LY75: variants seen among roughly 807,000 people sequenced by gnomAD.
The protein encoded by LY75 is C-type lectin domain family 13 member B.
In LY75, 185 loss-of-function variants were observed where a neutral mutation model predicts 231.7. The observed-to-expected ratio is 0.80, with a 90% CI of 0.71 to 0.90. LY75 has a LOEUF of 0.90. LY75 is among the 40% of genes least tolerant of loss of function. The probability of loss-of-function intolerance (pLI) is 0.00; values close to 1 mark genes in which losing one functional copy is unlikely to be tolerated. For synonymous variants in LY75, 668 were observed against 689.0 expected, an observed-to-expected ratio of 0.97 and a Z score of 0.48; for missense variants, 1,947 against 2,050.2, an observed-to-expected ratio of 0.95 and a Z score of 0.97.
At chr2:159,818,468 A>C (rs958194143) in intron 29 of LY75, among the ~76,000 whole-genome samples, 1 of 152,254 alleles carries the variant, frequency 6.6e-6, no homozygotes, top group Non-Finnish European at 1.5e-5. Flanking sequence ...AGTGTTCCTC[A>C]AAACTGTCAA....
intron 31 of LY75, among the ~76,000 whole-genome samples, chr2:159,812,024 T>C (rs1189947996): frequency 6.6e-6 from 1 of 152,236 alleles, no homozygotes; most frequent in Non-Finnish European, 1.5e-5. Context: ...GGCAAAGGTA[T>C]ATTGCTGATT....
intron 2 of LY75, among the ~76,000 whole-genome samples, chr2:159,895,242 G>GTC (rs1220467413): frequency 6.6e-6 from 1 of 152,320 alleles, no homozygotes; most frequent in East Asian, 1.9e-4. Flanking sequence ...TTGGCAAATA[G>GTC]TCTTTTAAAG....
chr2:159,833,943 A>G (rs1683741241), intron 27 of LY75, 101 bp downstream of exon 27: 1 of 1,328,362 alleles, frequency 7.5e-7, no homozygotes. Context: ...CTCCCCAGCC[A>G]TGTGGAACTG....
chr2:159,869,151 G>A (rs1574573704), intron 13 of LY75, among the ~76,000 whole-genome samples: 1 of 152,040 alleles, frequency 6.6e-6, no homozygotes, highest in Non-Finnish European at 1.5e-5. Flanking sequence ...ACCTGTTGTG[G>A]GGCAGAGTGA....
intron 32 of LY75, among the ~76,000 whole-genome samples, chr2:159,809,654 ATTATTATTT>A (rs927149938): frequency 5.9e-4 from 89 of 151,428 alleles, no homozygotes; most frequent in African/African-American, 2.1e-3. Context: ...TTTTACATTT[ATTATTATTT>A]TTATTATTTA....
Position 159,804,759 on chromosome 2 carries a change from CCAAT to C in LY75, c.*281_*284del. On this transcript the variant is annotated 3_prime_UTR_variant, in exon 35 of 35. Transcript: ENST00000263636. ...TATTAAAATATACATATCCTAGTTA[CCAAT>C]CACATTCATACAGAGAAAATGAACA... The C allele has an allele frequency of 5.6e-6, 1 of 178,792 alleles. No individual in the cohort carries two copies. Among genetic ancestry groups the C allele is most frequent in the Non-Finnish European group, 1.2e-5 (1 of 85,334 alleles). 11.1% of individuals were successfully genotyped at this position (178,792 alleles called of 1,614,324 possible).
intron 28 of LY75, among the ~76,000 whole-genome samples, chr2:159,821,620 A>C (rs1683293523): frequency 2.1e-5 from 1 of 46,632 alleles, no homozygotes; most frequent in Non-Finnish European, 5.0e-5. Flanking sequence ...AGTCTGTCTC[A>C]AAAAAAAAAA....
chr2:159,885,188 C>A lies in LY75; in HGVS notation c.1019G>T (p.Cys340Phe). Residue 340 changes from cysteine (C) to phenylalanine (F), a missense_variant, in exon 6 of 35, where the codon TGC (cysteine) becomes TTC (phenylalanine). Cys to Phe is a radical substitution (Grantham distance 205). Transcript: ENST00000263636. The part of the protein sequence containing the change: ...FSCEAQLPYV[C>F]RKPLNNTVEL... ...CACTGTATTATTTAATGGTTTCCTG[C>A]AGACATAGGGCAGTTGAGCTTCACA... 6.2e-7 allele frequency: 1 copy of A among 1,613,482 alleles called. No individual in the cohort carries two copies. Among genetic ancestry groups the A allele is most frequent in the Non-Finnish European group, 8.5e-7 (1 of 1,179,638 alleles).
rs762279972 is a variant in LY75, at chr2:159,854,538, A to T, written c.2420-3T>A. On this transcript the variant is annotated splice_region_variant and splice_polypyrimidine_tract_variant and intron_variant, in intron 17 of 34. Transcript: ENST00000263636. The stretch of plus-strand genomic sequence containing the variant: ...AGGTCCATGAATTCCAGCACGGTCT[A>T]AAGAAGAAGAAGAAAAAGATTAGAA... 9 of 1,596,776 alleles carry T rather than the reference A, an allele frequency of 5.6e-6. No homozygotes were observed. The highest frequency in any genetic ancestry group is 7.7e-6 in the Non-Finnish European group (9 of 1,169,582).
chr2:159,842,045 C>T (rs1357478266), intron 24 of LY75, among the ~76,000 whole-genome samples, 200 bp downstream of exon 24: 2 of 151,728 alleles, frequency 1.3e-5, no homozygotes, highest in East Asian at 1.9e-4. Context: ...AAAATTTTTT[C>T]GGCTTTTATT....
chr2:159,821,634 AAAAGAAAAG>A (rs1683296427), intron 28 of LY75, among the ~76,000 whole-genome samples: 1 of 22,828 alleles, frequency 4.4e-5, no homozygotes, highest in Non-Finnish European at 1.2e-4. Context: ...AAAAAAAAAG[AAAAGAAAAG>A]AAAGAAAACA....
chr2:159,898,815 G>T lies in LY75; in HGVS notation c.339C>A (p.His113Gln), dbSNP rs756427782. The change falls in exon 2 of 35, where the codon CAC becomes CAA. Residue 113 changes from histidine to glutamine, a missense_variant. Coordinates refer to ENST00000263636, the MANE Select transcript of LY75 (RefSeq NM_002349.4). ...SAMLWWKCEH[H>Q]SLYGAARYRL... ...GGTACCGGGCAGCTCCGTACAGAGA[G>T]TGGTGCTCACATTTCCACCACAGCA... 1 of 1,614,226 alleles carries T rather than the reference G, an allele frequency of 6.2e-7. No individual in the cohort carries two copies.
intron 13 of LY75, chr2:159,871,712 TAATCCCAGTA>T (rs1313805578): frequency 6.6e-6 from 1 of 152,164 alleles, no homozygotes; most frequent in African/African-American, 2.4e-5. Flanking sequence ...CTAATGCCTG[TAATCCCAGTA>T]CTTTGGGAGG....
intron 16 of LY75, among the ~76,000 whole-genome samples, chr2:159,855,589 C>T (rs1684524569): frequency 6.6e-6 from 1 of 152,076 alleles, no homozygotes; most frequent in South Asian, 2.1e-4. Context: ...GTGCAAATGC[C>T]CTTATGCATT....
chr2:159,841,673 C>A (rs1052076376), intron 24 of LY75, among the ~76,000 whole-genome samples: 15 of 152,038 alleles, frequency 9.9e-5, no homozygotes, highest in Admixed American at 8.5e-4. Context: ...ATGTTTCAAA[C>A]CCCCACTTGT....
In LY75 at chr2:159,867,677, G is replaced by C. The variant is rs143371443; in HGVS notation, c.2118-2757C>G. ...AGCCCCAATAAATACTATTTGATGA[G>C]GGTGCTTATTCTACAAAGCCTTAGA... On this transcript the variant is annotated intron_variant, in intron 13 of 34. Coordinates refer to ENST00000263636, the MANE Select transcript of LY75 (RefSeq NM_002349.4). Among the ~76,000 whole-genome samples, 173 of 152,282 alleles carry C rather than the reference G, an allele frequency of 1.1e-3. 1 individual carries two copies. Among genetic ancestry groups the C allele is most frequent in the African/African-American group, 4.0e-3 (166 of 41,554 alleles).
rs1373923531 is a variant in LY75, at chr2:159,854,898, A to G, written c.2419+6T>C. ...CTTTGGTTAAATTTCAGTTTTCTTA[A>G]CTCACCTGGATTGTACCAGTCTGGT... is the stretch of plus-strand genomic sequence containing the variant. On this transcript the variant is annotated splice_donor_region_variant and intron_variant, in intron 17 of 34. Transcript: ENST00000263636. 1 of 1,613,622 alleles carries G rather than the reference A, an allele frequency of 6.2e-7. No individual in the cohort carries two copies. Among genetic ancestry groups the G allele is most frequent in the East Asian group, 2.2e-5 (1 of 44,800 alleles).
chr2:159,857,230 T>A (rs2729719), intron 16 of LY75, among the ~76,000 whole-genome samples: 1 of 152,030 alleles, frequency 6.6e-6, no homozygotes, highest in Non-Finnish European at 1.5e-5. Flanking sequence ...GAAAGAGATT[T>A]GCTACTACCT....
At chr2:159,838,849 G>T (rs1443737279) in intron 25 of LY75, among the ~76,000 whole-genome samples, 2 of 152,122 alleles carry the variant, frequency 1.3e-5, no homozygotes, top group Non-Finnish European at 2.9e-5. Context: ...AGGCTGGAAT[G>T]CAGTGGTATA....
Sources: gnomAD v4.1 joint callset for allele counts (sites outside exome capture counted in the v4.1 genomes callset) on GRCh38, gnomAD v4.1.1 for gene constraint, MANE v1.5 for transcripts, NCBI Gene and HGNC (gene_info 2026-07-23, HGNC 2026-07-21) for gene names.